PLBD1: variants seen among roughly 807,000 people sequenced by gnomAD.
The protein encoded by PLBD1 is lysosomal leucine aminopeptidase.
In PLBD1, 60 loss-of-function variants were observed where a neutral mutation model predicts 63.0. The observed-to-expected ratio is 0.95, with a 90% CI of 0.77 to 1.18. The LOEUF (loss-of-function observed/expected upper bound fraction) is 1.18, where lower values mean the gene tolerates loss of function less well. Among genes scored for constraint, PLBD1 ranks in the 50% most tolerant of loss-of-function variants. The pLI is 0.00. For missense variants in PLBD1, 598 were observed against 677.9 expected, an observed-to-expected ratio of 0.88 and a Z score of 1.31; for synonymous variants, 262 against 248.0, an observed-to-expected ratio of 1.06 and a Z score of -0.53.
intron 1 of PLBD1, chr12:14,553,638 G>T (rs954499761): frequency 3.5e-5 from 20 of 577,836 alleles, no homozygotes; most frequent in Non-Finnish European, 5.5e-5. Context: ...AAAGGTGGGG[G>T]TGTAGCTACA....
At chr12:14,520,159 C>G (rs1485241214) in intron 6 of PLBD1, among the ~76,000 whole-genome samples, 1 of 152,178 alleles carries the variant, frequency 6.6e-6, no homozygotes, top group Non-Finnish European at 1.5e-5. Flanking sequence ...CTTACACTGC[C>G]AGGGTTCCCA....
intron 4 of PLBD1, among the ~76,000 whole-genome samples, chr12:14,539,298 A>C (rs539715213): frequency 6.6e-6 from 1 of 152,188 alleles, no homozygotes; most frequent in South Asian, 2.1e-4. Context: ...GAAATGGAAC[A>C]TTAGCAGTGC....
At chr12:14,517,942 A>C (rs974882418) in intron 6 of PLBD1, among the ~76,000 whole-genome samples, 2 of 152,200 alleles carry the variant, frequency 1.3e-5, no homozygotes, top group Non-Finnish European at 2.9e-5. Flanking sequence ...GCACTTTGGG[A>C]GGCTGAGGCA....
At chr12:14,521,464 T>C (rs1358662323) in intron 6 of PLBD1, among the ~76,000 whole-genome samples, 1 of 152,006 alleles carries the variant, frequency 6.6e-6, no homozygotes, top group African/African-American at 2.4e-5. Context: ...AGAAAAGCCA[T>C]GCATATGATT....
intron 2 of PLBD1, among the ~76,000 whole-genome samples, chr12:14,551,320 G>A (rs1049248992): frequency 1.3e-5 from 2 of 152,184 alleles, no homozygotes; most frequent in East Asian, 1.9e-4. Flanking sequence ...CCGAGATTGC[G>A]CCACTGCACT....
At chr12:14,553,103 T>C (rs1945672738) in intron 2 of PLBD1, 90 bp downstream of exon 2, 12 of 1,146,118 alleles carry the variant, frequency 1.0e-5, no homozygotes, top group Non-Finnish European at 1.5e-5. Context: ...TCAGTTCTAA[T>C]GTGCAATGCC....
At chr12:14,557,669 A>C (rs1254716366) in intron 1 of PLBD1, among the ~76,000 whole-genome samples, 3 of 152,106 alleles carry the variant, frequency 2.0e-5, no homozygotes, top group African/African-American at 7.2e-5. Context: ...AACAACAGAC[A>C]CTGGGACCTA....
intron 6 of PLBD1, among the ~76,000 whole-genome samples, chr12:14,519,980 G>C (rs969516142): frequency 2.6e-5 from 4 of 152,212 alleles, no homozygotes; most frequent in Non-Finnish European, 5.9e-5. Context: ...AAGAAGAGCA[G>C]AGATCCAAAA....
intron 1 of PLBD1, among the ~76,000 whole-genome samples, chr12:14,562,004 A>G (rs1449061510): frequency 6.6e-6 from 1 of 152,216 alleles, no homozygotes; most frequent in Non-Finnish European, 1.5e-5. Context: ...CTGAAAGAGA[A>G]TAACACCGGT....
intron 1 of PLBD1, among the ~76,000 whole-genome samples, chr12:14,562,716 T>C (rs999475668): frequency 7.2e-5 from 11 of 152,182 alleles, no homozygotes; most frequent in African/African-American, 2.4e-4. Context: ...CATTCCATTT[T>C]TTTGAAAGGC....
intron 6 of PLBD1, among the ~76,000 whole-genome samples, chr12:14,521,479 A>G (rs1945375894): frequency 6.6e-6 from 1 of 152,096 alleles, no homozygotes; most frequent in Admixed American, 6.5e-5. Flanking sequence ...ATGATTTGAC[A>G]GAGCTGCCAT....
chr12:14,506,654 T>C (rs1327781943), intron 9 of PLBD1, among the ~76,000 whole-genome samples: 2 of 152,216 alleles, frequency 1.3e-5, no homozygotes, highest in Non-Finnish European at 2.9e-5. Context: ...AACTTGTGTT[T>C]GGAGAAAAAT....
chr12:14,567,552 C>A, intron 1 of PLBD1, 30 bp downstream of exon 1: 1 of 1,467,474 alleles, frequency 6.8e-7, no homozygotes, highest in Non-Finnish European at 8.9e-7. Context: ...CCTCCCCGGG[C>A]GCCCCCCGCC....
At chr12:14,504,297 G>T (rs545657089) in intron 10 of PLBD1, among the ~76,000 whole-genome samples, 7 of 152,248 alleles carry the variant, frequency 4.6e-5, no homozygotes, top group African/African-American at 1.7e-4. Context: ...TGATCCGCCC[G>T]CCTCAGCCTC....
intron 2 of PLBD1, among the ~76,000 whole-genome samples, chr12:14,551,042 AAAAT>A (rs755975736): frequency 6.6e-5 from 10 of 151,782 alleles, no homozygotes; most frequent in African/African-American, 9.7e-5. Flanking sequence ...ACCCTGTCTT[AAAAT>A]AAATAAATAA....
chr12:14,565,653 G>A (rs148686279), intron 1 of PLBD1, among the ~76,000 whole-genome samples: 2 of 152,186 alleles, frequency 1.3e-5, no homozygotes, highest in Non-Finnish European at 2.9e-5. Flanking sequence ...ACAAGTGAGA[G>A]GTAGCAAGTC....
At chr12:14,514,622 A>G (rs1180598756) in intron 6 of PLBD1, among the ~76,000 whole-genome samples, 2 of 152,246 alleles carry the variant, frequency 1.3e-5, no homozygotes, top group African/African-American at 4.8e-5. Flanking sequence ...GAGGAGGCTA[A>G]TTCTATAGTT....
chr12:14,524,201 A>C (rs1945399469), intron 6 of PLBD1, among the ~76,000 whole-genome samples: 1 of 152,168 alleles, frequency 6.6e-6, no homozygotes, highest in Admixed American at 6.5e-5. Context: ...ACAAAATTAC[A>C]GTTAGATAGA....
At chr12:14,537,076 G>A (rs967411289) in intron 4 of PLBD1, among the ~76,000 whole-genome samples, 3 of 138,576 alleles carry the variant, frequency 2.2e-5, no homozygotes, top group African/African-American at 5.5e-5. Context: ...GCAACAGAGC[G>A]AGACCGCATC....
Sources: allele counts gnomAD v4.1 joint callset (sites outside exome capture counted in the v4.1 genomes callset), GRCh38; gene constraint gnomAD v4.1.1; transcripts MANE v1.5; gene names NCBI Gene and HGNC (gene_info 2026-07-23, HGNC 2026-07-21).